The following RIF1 variants were observed in gnomAD, a reference collection of about 807,000 sequenced individuals.
RIF1 encodes telomere-associated protein RIF1.
RIF1 carries 45 observed loss-of-function variants against 247.1 expected under a neutral mutation model. The ratio of observed to expected loss-of-function variants is 0.18; its 90% CI spans 0.14 to 0.23. RIF1 has a LOEUF of 0.23. RIF1 is among the 10% of genes least tolerant of loss of function. The pLI is 1.00. For missense variants in RIF1, 2,967 were observed against 2,862.5 expected (o/e 1.04, Z -0.83); for synonymous variants, 1,087 against 978.8 (o/e 1.11, Z -2.06).
chr2:151,512,019 C>CTTTTTTTTTTTTTTT (rs71403173), downstream of RIF1, among the ~76,000 whole-genome samples: 3 of 93,586 alleles, frequency 3.2e-5, no homozygotes, highest in African/African-American at 1.3e-4. Context: ...CCCTCTCACT[C>CTTTTTTTTTTTTTTT]TTTTTTTTTT....
Position 151,464,635 on chromosome 2 carries a change from T to C in RIF1, c.5115T>C (p.Ile1705=). The change falls in exon 30 of 36, where the codon ATT becomes ATC. Residue 1705 remains isoleucine (I), a synonymous_variant. Coordinates refer to ENST00000444746, the MANE Select transcript of RIF1 (RefSeq NM_018151.5). ...GESSKIGISD[I]SSLSEKTFQT... Reference sequence around the variant, plus strand: ...CCTCAAAAATAGGGATATCAGATATTTCTTCGCTTTCAGAAAAAACTTTTC... The same window carrying C: ...CCTCAAAAATAGGGATATCAGATATCTCTTCGCTTTCAGAAAAAACTTTTC... 6.2e-7 allele frequency: 1 copy of C among 1,613,594 alleles called. No individual in the cohort carries two copies.
At position 151,480,200 on chromosome 2, in the gene RIF1, A is replaced by G. The variant is rs2049110321; in HGVS notation, c.*5129A>G. 6.6e-6 allele frequency: 1 copy of G among 152,304 alleles called. No individual in the cohort carries two copies. Among genetic ancestry groups the G allele is most frequent in the African/African-American group, 2.4e-5 (1 of 41,576 alleles). 9.4% of individuals were successfully genotyped at this position (152,304 alleles called of 1,614,324 possible). A position where few individuals can be genotyped will look rare whatever the true frequency, so the allele number is the denominator to read the frequency against. On this transcript the variant is annotated 3_prime_UTR_variant, in exon 36 of 36. Transcript: ENST00000444746. ...GTTCATCTTACCTAAAAAATTGAAG[A>G]CAATATTTTCCATTGTTGATGTCAC...
At chr2:151,512,664 T>G, downstream of RIF1, 1 of 1,106,822 alleles carries the variant, frequency 9.0e-7, no homozygotes, top group Non-Finnish European at 1.4e-6. Flanking sequence ...TTAAGGTATT[T>G]ATTAATGGAA....
Position 151,465,170 on chromosome 2 carries a change from C to G in RIF1, c.5650C>G (p.Pro1884Ala). The change falls in exon 30 of 36, where the codon CCA becomes GCA. Residue 1884 changes from proline (P) to alanine (A), a missense_variant. Transcript: ENST00000444746. ...QESLETKEEK[P>A]EETPKMELSL... is the part of the protein sequence containing the mutation. ...ATCTTTGGAGACAAAAGAAGAAAAA[C>G]CAGAAGAAACCCCAAAAATGGAACT... 1 of 1,613,374 alleles carries G rather than the reference C, an allele frequency of 6.2e-7. No homozygotes were observed. The highest frequency in any genetic ancestry group is 8.5e-7 in the Non-Finnish European group (1 of 1,179,862).
the RIF1 span, among the ~76,000 whole-genome samples, chr2:151,530,376 TCAGG>T: frequency 6.6e-6 from 1 of 152,148 alleles, no homozygotes; most frequent in Non-Finnish European, 1.5e-5. Flanking sequence ...TTCTTAAATT[TCAGG>T]GTCGAGGGCC....
chr2:151,423,489 A>T (rs577641311), intron 8 of RIF1: 7 of 156,186 alleles, frequency 4.5e-5, no homozygotes, highest in African/African-American at 1.7e-4. Context: ...GATATACCCA[A>T]TGGTGAAAAT....
intron 22 of RIF1, among the ~76,000 whole-genome samples, chr2:151,456,260 CT>C (rs1695182337): frequency 6.6e-6 from 1 of 152,150 alleles, no homozygotes; most frequent in Admixed American, 6.5e-5. Flanking sequence ...AATCCATGAA[CT>C]TTTCTTTGCA....
At chr2:151,448,370 A>G (rs931153472) in intron 20 of RIF1, among the ~76,000 whole-genome samples, 2 of 152,150 alleles carry the variant, frequency 1.3e-5, no homozygotes, top group Non-Finnish European at 1.5e-5. Flanking sequence ...ATTGTAAAAG[A>G]TTACAAACAA....
chr2:151,497,577 T>G (rs1178730721), intron 10 of RIF1: 1 of 1,537,322 alleles, frequency 6.5e-7, no homozygotes, highest in East Asian at 2.4e-5. Context: ...ATCATGAAAG[T>G]TTTCAAAATC....
At chr2:151,490,903 TTC>T (rs1411815767) in intron 9 of RIF1, among the ~76,000 whole-genome samples, 1 of 152,240 alleles carries the variant, frequency 6.6e-6, no homozygotes, top group Admixed American at 6.5e-5. Flanking sequence ...TTTAGAGTCT[TTC>T]TCTGTGTTCC....
Position 151,472,936 on chromosome 2 carries a change from A to C in RIF1, c.7096-1028A>C, listed in dbSNP as rs190061046. On this transcript the variant is annotated intron_variant, in intron 34 of 35. Coordinates refer to ENST00000444746, the MANE Select transcript of RIF1 (RefSeq NM_018151.5). Reference sequence around the variant, plus strand: ...TTTTTCTATTGATTGGAATAGTTTCAGAAGGAATGGTACCAGCTCCTCTTT... The same window carrying C: ...TTTTTCTATTGATTGGAATAGTTTCCGAAGGAATGGTACCAGCTCCTCTTT... Among the ~76,000 whole-genome samples, 47 of 152,328 alleles carry C rather than the reference A, an allele frequency of 3.1e-4. No individual in the cohort carries two copies. The East Asian group carries it at 8.5e-3, about 27-fold the overall frequency.
At chr2:151,527,777 C>T in the RIF1 span, among the ~76,000 whole-genome samples, 1 of 152,124 alleles carries the variant, frequency 6.6e-6, no homozygotes, top group Admixed American at 6.6e-5. Flanking sequence ...CTGTTGGGAC[C>T]CTGTGGTCCC....
intron 20 of RIF1, among the ~76,000 whole-genome samples, chr2:151,450,970 G>A (rs1384134783): frequency 2.6e-5 from 4 of 152,194 alleles, no homozygotes; most frequent in Non-Finnish European, 4.4e-5. Context: ...TAGAGAATCT[G>A]TGATCCTAGT....
In RIF1 at chr2:151,501,629, A is replaced by G. The variant is rs1325620514; in HGVS notation, c.*710-1405A>G. On this transcript the variant is annotated intron_variant and NMD_transcript_variant, in intron 11 of 13. Transcript: ENST00000454583. ...GTAACTTTTAAAAATAGAGTTAACT[A>G]TAGATCCCCTTTGGACATTTAGTCA... 8 of 473,696 alleles carry G rather than the reference A, an allele frequency of 1.7e-5. No individual in the cohort carries two copies. The East Asian group carries it at 1.9e-4, about 11-fold the overall frequency. The allele number at this position is 473,696 out of a possible 1,614,324, so 29.3% of individuals were successfully genotyped here. A position where few individuals can be genotyped will look rare whatever the true frequency, so the allele number is the denominator to read the frequency against.
Position 151,429,097 on chromosome 2 carries a change from C to T in RIF1, c.925+175C>T, listed in dbSNP as rs547701689. 7.9e-5 allele frequency among the ~76,000 whole-genome samples: 12 copies of T among 152,252 alleles called. No individual in the cohort carries two copies. In the South Asian group the frequency reaches 2.3e-3, roughly 29 times the overall value. On this transcript the variant is annotated intron_variant, in intron 9 of 35. Coordinates refer to ENST00000444746, the MANE Select transcript of RIF1 (RefSeq NM_018151.5). ...CTGAAAATAGAATTCACATACTAGG[C>T]ATTGGAAATCACAAATATGAAATCT...
chr2:151,533,160 T>G, the RIF1 span, among the ~76,000 whole-genome samples: 1 of 152,218 alleles, frequency 6.6e-6, no homozygotes, highest in Non-Finnish European at 1.5e-5. Context: ...AGGCAAATAC[T>G]GAAAAGTATA....
chr2:151,421,794 A>G lies in RIF1; in HGVS notation c.694-1156A>G, dbSNP rs541841594. Among the ~76,000 whole-genome samples the G allele has an allele frequency of 1.3e-4, 20 of 152,254 alleles. No individual in the cohort carries two copies. The East Asian group carries it at 3.7e-3, about 28-fold the overall frequency. The stretch of plus-strand genomic sequence containing the variant: ...TGACACAGTAACTCGAGTGTCTCAT[A>G]AATAGCTTTATTCTGATGAATTCAA... On this transcript the variant is annotated intron_variant, in intron 7 of 35. Coordinates refer to ENST00000444746, the MANE Select transcript of RIF1 (RefSeq NM_018151.5).
At chr2:151,488,422 A>G (rs1184607922) in intron 9 of RIF1, among the ~76,000 whole-genome samples, 2 of 151,652 alleles carry the variant, frequency 1.3e-5, no homozygotes, top group Non-Finnish European at 2.9e-5. Context: ...CAAAGCAGGC[A>G]GAGGGCTTGA....
the RIF1 span, chr2:151,527,458 C>T: frequency 6.5e-6 from 10 of 1,549,900 alleles, no homozygotes; most frequent in African/African-American, 6.8e-5. Context: ...CAGTTACAAT[C>T]GTCTGTGTCT....
Sources: allele counts gnomAD v4.1 joint callset (sites outside exome capture counted in the v4.1 genomes callset), GRCh38; gene constraint gnomAD v4.1.1; transcripts MANE v1.5; gene names NCBI Gene and HGNC (gene_info 2026-07-23, HGNC 2026-07-21).